Variants in MYO15A observed in about 807,000 individuals in gnomAD.
The protein encoded by MYO15A is myosin XVA.
Under a neutral mutation model 394.6 loss-of-function variants are expected in MYO15A, and 308 were observed. That is an observed-to-expected ratio of 0.78 (90% CI 0.71 to 0.86). MYO15A has a LOEUF of 0.86. Among genes scored for constraint, MYO15A ranks in the 40% least tolerant of loss-of-function variants. The pLI is 0.00. For synonymous variants in MYO15A, 1,957 were observed against 2,003.8 expected (o/e 0.98, Z 0.62); for missense variants, 4,606 against 4,799.1 (o/e 0.96, Z 1.19).
At position 18,178,659 on chromosome 17, in the gene MYO15A, A is replaced by AATT. The variant is rs1236745237; in HGVS notation, c.10492-108_10492-107insTAT. 2.6e-5 allele frequency: 28 copies of AATT among 1,068,714 alleles called. 1 individual carries two copies. The highest frequency in any genetic ancestry group is 3.6e-5 in the Non-Finnish European group (25 of 694,412). The allele number at this position is 1,068,714 out of a possible 1,614,324, so 66.2% of individuals were successfully genotyped here. ...AGGTGGGGACAAGGGTCCCTGCATG[A>AATT]ATGATGGTCTCCACCTATCTCCCAA... On this transcript the variant is annotated intron_variant, in intron 65 of 65. Coordinates refer to ENST00000647165, the MANE Select transcript of MYO15A (RefSeq NM_016239.4).
chr17:18,149,965 A>AAG (rs1416102348), intron 35 of MYO15A: 1 of 313,254 alleles, frequency 3.2e-6, no homozygotes, highest in East Asian at 7.3e-5. Context: ...AAAAAAAAAA[A>AAG]AAAAAAGAAA....
At position 18,121,109 on chromosome 17, in the gene MYO15A, G is replaced by T; in HGVS notation, c.2309G>T (p.Trp770Leu). The stretch of plus-strand genomic sequence containing the variant: ...CCACGGGCGTCGCGGAGGCGAGCTT[G>T]GTCACCGCTGGCCTCGCCCCAGCCC... The part of the protein sequence containing the change: ...ASPRASRRRA[W>L]SPLASPQPSL... The change falls in exon 2 of 66, where the codon TGG (tryptophan) becomes TTG (leucine). Residue 770 changes from tryptophan to leucine, a missense_variant. Physicochemically the swap from Trp to Leu is moderately conservative, Grantham distance 61. Transcript: ENST00000647165. The surrounding 1 kb of genome is among the most constrained non-coding windows in gnomAD (Gnocchi z 5.3). The T allele has an allele frequency of 6.6e-7, 1 of 1,503,966 alleles. No homozygotes were observed. Among genetic ancestry groups the T allele is most frequent in the Middle Eastern group, 2.1e-4 (1 of 4,798 alleles). The allele number at this position is 1,503,966 out of a possible 1,614,324, so 93.2% of individuals were successfully genotyped here.
rs202026399 is a variant in MYO15A at position 18,169,970 on chromosome 17, CAAAAAAAAAAAAAA to C, written c.10083-1654_10083-1641del. Among the ~76,000 whole-genome samples the C allele has an allele frequency of 8.9e-4, 53 of 59,766 alleles. 1 individual carries two copies. Among genetic ancestry groups the C allele is most frequent in the African/African-American group, 3.8e-3 (48 of 12,598 alleles). 39.2% of individuals were successfully genotyped at this position (59,766 alleles called of 152,430 possible). On this transcript the variant is annotated intron_variant, in intron 62 of 65. Coordinates refer to ENST00000647165, the MANE Select transcript of MYO15A (RefSeq NM_016239.4). ...TAGGTAACAGAGCAAGACCCTGTCT[CAAAAAAAAAAAAAA>C]AAAAAAAAAAAAACCATTAGTGAGA... is the stretch of plus-strand genomic sequence containing the variant.
chr17:18,151,275 G>T lies in MYO15A; in HGVS notation c.7639G>T (p.Ala2547Ser). 3 of 1,614,194 alleles carry T rather than the reference G, an allele frequency of 1.9e-6. No homozygotes were observed. The highest frequency in any genetic ancestry group is 2.5e-6 in the Non-Finnish European group (3 of 1,180,028). ...VAAPVLAQDQASPETTSPSPE... is the reference protein window; with the variant it reads ...VAAPVLAQDQSSPETTSPSPE... ...TGCCCCTGTTCTAGCTCAGGATCAG[G>T]CTTCTCCAGAAACCAGTGAGTGCCC... The change falls in exon 39 of 66, where the codon GCT becomes TCT. Residue 2547 changes from alanine to serine, a missense_variant. Around this residue, in one of 2 missense-constraint regions of MYO15A, gnomAD observed 2,776 missense variants for 3,109.3 expected, o/e 0.89. Transcript: ENST00000647165.
Position 18,119,848 on chromosome 17 carries a change from G to A in MYO15A, c.1048G>A (p.Asp350Asn), listed in dbSNP as rs1222605746. ...GYYLDPYAPYDAPYPPYDLPY... is the reference protein window; with the variant it reads ...GYYLDPYAPYNAPYPPYDLPY... Reference sequence around the variant, plus strand: ...CTACCTGGATCCCTATGCGCCGTACGACGCGCCATACCCACCCTATGACCT... The same window carrying A: ...CTACCTGGATCCCTATGCGCCGTACAACGCGCCATACCCACCCTATGACCT... Residue 350 changes from aspartate to asparagine, a missense_variant, in exon 2 of 66, where the codon GAC (aspartate) becomes AAC (asparagine). Asp to Asn is a conservative substitution (Grantham distance 23, BLOSUM62 1). Coordinates refer to ENST00000647165, the MANE Select transcript of MYO15A (RefSeq NM_016239.4). 1 of 1,613,088 alleles carries A rather than the reference G, an allele frequency of 6.2e-7. No homozygotes were observed. Among genetic ancestry groups the A allele is most frequent in the East Asian group, 2.2e-5 (1 of 44,864 alleles).
chr17:18,128,300 T>TCA (rs1161565719), intron 7 of MYO15A, among the ~76,000 whole-genome samples: 4 of 152,146 alleles, frequency 2.6e-5, no homozygotes, highest in African/African-American at 4.8e-5. Context: ...ACCACCAGCC[T>TCA]GGAGCTCAGG....
intron 65 of MYO15A, chr17:18,176,911 T>C (rs1178491061): frequency 6.6e-6 from 1 of 152,214 alleles, no homozygotes; most frequent in African/African-American, 2.4e-5. Context: ...GAATGTCAGC[T>C]CCAAGAGAGC....
intron 17 of MYO15A, 57 bp downstream of exon 17, chr17:18,138,303 C>A (rs2046317259): frequency 2.5e-6 from 4 of 1,582,896 alleles, no homozygotes; most frequent in African/African-American, 1.3e-5. Context: ...AGCCTCATGT[C>A]CTCATCCCAC....
In MYO15A at chr17:18,139,176, G is replaced by C. The variant is rs978905347; in HGVS notation, c.5133+240G>C. ...GGCAGGTGTGAAAAATGTAGGGTGG[G>C]TTTGATAAAGAGTAGCTCATCAATA... On this transcript the variant is annotated intron_variant, in intron 18 of 65. Transcript: ENST00000647165. 4.7e-6 allele frequency: 3 copies of C among 641,288 alleles called. No homozygotes were observed. The South Asian group carries it at 5.4e-5, about 12-fold the overall frequency. 39.7% of individuals were successfully genotyped at this position (641,288 alleles called of 1,614,324 possible).
chr17:18,137,521 G>A, intron 15 of MYO15A, 63 bp from the exon 16 acceptor site: 1 of 1,492,444 alleles, frequency 6.7e-7, no homozygotes, highest in Non-Finnish European at 9.3e-7. Flanking sequence ...ACCAGGGAAG[G>A]TAGGGGCAAA....
intron 42 of MYO15A, 85 bp downstream of exon 42, chr17:18,152,269 T>C: frequency 3.1e-6 from 4 of 1,303,354 alleles, no homozygotes; most frequent in Non-Finnish European, 4.3e-6. Context: ...CGGTGGAGTG[T>C]GTGTGTCTAT....
chr17:18,150,033 T>A lies in MYO15A; in HGVS notation c.7213-396T>A. 1 of 322,810 alleles carries A rather than the reference T, an allele frequency of 3.1e-6. No homozygotes were observed. Among genetic ancestry groups the A allele is most frequent in the Non-Finnish European group, 5.8e-6 (1 of 170,954 alleles). 20.0% of individuals were successfully genotyped at this position (322,810 alleles called of 1,614,324 possible). ...CCCCGGGGCCACTAAAATATCTCTA[T>A]CTGGATGGAGTTGAATGACCTTGGT... On this transcript the variant is annotated intron_variant, in intron 35 of 65. Transcript: ENST00000647165. This position sits in a 1 kb window ranked among gnomAD's most constrained non-coding sequence, Gnocchi z 4.4.
rs997527649 is a variant in MYO15A, at chr17:18,135,893, G to A, written c.4596+69G>A. The A allele has an allele frequency of 1.8e-5, 26 of 1,422,434 alleles. No homozygotes were observed. In the Admixed American group the frequency reaches 3.1e-4, roughly 17 times the overall value. 88.1% of individuals were successfully genotyped at this position (1,422,434 alleles called of 1,614,324 possible). On this transcript the variant is annotated intron_variant, in intron 13 of 65. Transcript: ENST00000647165. ...GGGCCTGGACAGAGCTGCTTGTGCCGATCCTTTGTGGGCAGCCTCTCCCTC... is the reference window on the plus strand; with the variant it reads ...GGGCCTGGACAGAGCTGCTTGTGCCAATCCTTTGTGGGCAGCCTCTCCCTC...
chr17:18,178,716 G>A, intron 65 of MYO15A, 53 bp from the exon 66 acceptor site: 2 of 1,539,188 alleles, frequency 1.3e-6, no homozygotes, highest in South Asian at 1.1e-5. Context: ...CCCACCCCAA[G>A]GTAAGAGCTG....
Position 18,119,473 on chromosome 17 carries a change from G to C in MYO15A, c.673G>C (p.Gly225Arg), listed in dbSNP as rs768235542. Residue 225 changes from glycine to arginine, a missense_variant, in exon 2 of 66, where the codon GGG (glycine) becomes CGG (arginine). By Grantham distance (125) the Gly-to-Arg change is moderately radical (BLOSUM62 -2). Transcript: ENST00000647165. ...CTCGGGCTCCCGCAAGTCGCTGTAC[G>C]GGCTTGAGGGCTTCCAGGACCTGGG... ...HHSGSRKSLYGLEGFQDLGEY... is the reference protein window; with the variant it reads ...HHSGSRKSLYRLEGFQDLGEY... 6.2e-7 allele frequency: 1 copy of C among 1,612,644 alleles called. No homozygotes were observed. Among genetic ancestry groups the C allele is most frequent in the Non-Finnish European group, 8.5e-7 (1 of 1,179,976 alleles).
intron 29 of MYO15A, 69 bp from the exon 30 acceptor site, chr17:18,145,803 C>A: frequency 7.3e-7 from 1 of 1,369,618 alleles, no homozygotes; most frequent in Non-Finnish European, 1.0e-6. Context: ...GAGAGGGATG[C>A]ATGTTGTGGG....
At chr17:18,162,114 G>T (rs2046785372) in intron 57 of MYO15A, among the ~76,000 whole-genome samples, 1 of 152,188 alleles carries the variant, frequency 6.6e-6, no homozygotes, top group Non-Finnish European at 1.5e-5. Context: ...CATAAAAGCA[G>T]CAGAATGTGC....
intron 12 of MYO15A, among the ~76,000 whole-genome samples, chr17:18,135,115 C>T (rs1314186531): frequency 6.6e-6 from 1 of 152,188 alleles, no homozygotes; most frequent in Non-Finnish European, 1.5e-5. Flanking sequence ...ATCCTCCCAC[C>T]TCAGCCTCCC....
intron 17 of MYO15A, 53 bp downstream of exon 17, chr17:18,138,299 A>C: frequency 1.5e-5 from 24 of 1,592,282 alleles, no homozygotes; most frequent in African/African-American, 4.0e-5. Context: ...TCTCAGCCTC[A>C]TGTCCTCATC....
Sources: allele counts gnomAD v4.1 joint callset (sites outside exome capture counted in the v4.1 genomes callset), GRCh38; gene constraint gnomAD v4.1.1; regional missense constraint gnomAD v4.1.1; non-coding constraint Gnocchi (gnomAD v3.1); transcripts MANE v1.5; gene names NCBI Gene and HGNC (gene_info 2026-07-23, HGNC 2026-07-21).